The following ANKS1B variants were observed in gnomAD, a reference collection of about 807,000 sequenced individuals.
ANKS1B encodes the protein ankyrin repeat and sterile alpha motif domain containing 1B.
ANKS1B carries 36 observed loss-of-function variants against 148.3 expected under a neutral mutation model. That is an observed-to-expected ratio of 0.24 (90% CI 0.19 to 0.32). The LOEUF (loss-of-function observed/expected upper bound fraction) is 0.32. Among genes scored for constraint, ANKS1B ranks in the 10% least tolerant of loss-of-function variants. The probability of loss-of-function intolerance (pLI) is 1.00; values close to 1 mark genes in which losing one functional copy is unlikely to be tolerated. For missense variants in ANKS1B, 1,157 were observed against 1,542.6 expected (o/e 0.75, Z 4.19); for synonymous variants, 542 against 560.8 (o/e 0.97, Z 0.47).
At position 99,264,738 on chromosome 12, in the gene ANKS1B, T is replaced by C. The variant is rs919057413; in HGVS notation, c.1757-17874A>G. 3.9e-5 allele frequency among the ~76,000 whole-genome samples: 6 copies of C among 152,278 alleles called. No individual in the cohort carries two copies. The East Asian group carries it at 7.7e-4, about 20-fold the overall frequency. On this transcript the variant is annotated intron_variant, in intron 12 of 26. Coordinates refer to ENST00000683438, the MANE Select transcript of ANKS1B (RefSeq NM_001352186.2). ...AAAGGGTGGTCTTAGCTTGTCTCTT[T>C]TGGGGACCTGGGATGAGTTCTGTCA...
intron 12 of ANKS1B, among the ~76,000 whole-genome samples, chr12:99,312,122 C>A (rs527671711): frequency 6.6e-6 from 1 of 152,076 alleles, no homozygotes; most frequent in Admixed American, 6.5e-5. Flanking sequence ...CTAGGTTAAA[C>A]GAGTCATTTC....
At chr12:99,915,600 A>C (rs61193188) in intron 1 of ANKS1B, among the ~76,000 whole-genome samples, 6,322 of 152,266 alleles carry the variant, frequency 0.042, 421 homozygotes, top group African/African-American at 0.14. Context: ...ACGCCATTAA[A>C]GGTAGTAAGG....
chr12:99,523,954 C>G (rs769231106), intron 9 of ANKS1B, among the ~76,000 whole-genome samples: 4 of 152,154 alleles, frequency 2.6e-5, no homozygotes, highest in Non-Finnish European at 4.4e-5. Flanking sequence ...TGTATTAGTA[C>G]TATGGTACAA....
intron 14 of ANKS1B, among the ~76,000 whole-genome samples, chr12:99,170,671 A>G (rs994956052): frequency 6.6e-6 from 1 of 152,132 alleles, no homozygotes; most frequent in African/African-American, 2.4e-5. Context: ...ACAAAAATGC[A>G]TGGGGTGAGC....
chr12:99,424,816 G>A (rs189959623), intron 11 of ANKS1B, among the ~76,000 whole-genome samples: 1 of 151,976 alleles, frequency 6.6e-6, no homozygotes, highest in East Asian at 1.9e-4. Flanking sequence ...AGCTTAACAG[G>A]CAGACAAGAT....
chr12:98,783,771 C>T (rs572786672), intron 22 of ANKS1B, among the ~76,000 whole-genome samples: 15 of 152,262 alleles, frequency 9.9e-5, no homozygotes, highest in Admixed American at 7.8e-4. Context: ...TTGTGACTTA[C>T]TCTGCCAAGT....
chr12:99,346,361 T>C (rs1236431378), intron 12 of ANKS1B, among the ~76,000 whole-genome samples: 2 of 150,366 alleles, frequency 1.3e-5, no homozygotes, highest in East Asian at 1.9e-4. Context: ...ACATTCTCTC[T>C]CTCTTTCTCT....
intron 1 of ANKS1B, among the ~76,000 whole-genome samples, chr12:99,827,056 C>T (rs1714941128): frequency 6.6e-6 from 1 of 151,962 alleles, no homozygotes; most frequent in Non-Finnish European, 1.5e-5. Flanking sequence ...GAGGTCGAGG[C>T]TGCAGTGAAC....
In ANKS1B at chr12:99,446,648, T is replaced by C. The variant is rs528729545; in HGVS notation, c.1439-2839A>G. On this transcript the variant is annotated intron_variant, in intron 10 of 26. Coordinates refer to ENST00000683438, the MANE Select transcript of ANKS1B (RefSeq NM_001352186.2). Reference sequence around the variant, plus strand: ...ATGCAAAAGATATGCATAGGTATGATTGGGTTCATAGAAACATAGCCTGAA... The same window carrying C: ...ATGCAAAAGATATGCATAGGTATGACTGGGTTCATAGAAACATAGCCTGAA... 2.3e-4 allele frequency among the ~76,000 whole-genome samples: 35 copies of C among 152,138 alleles called. No individual in the cohort carries two copies. In the South Asian group the frequency reaches 2.7e-3, roughly 12 times the overall value.
At chr12:98,903,108 T>C (rs1021809194) in intron 17 of ANKS1B, among the ~76,000 whole-genome samples, 7 of 152,168 alleles carry the variant, frequency 4.6e-5, no homozygotes, top group Admixed American at 6.5e-5. Flanking sequence ...TTTTGAAATA[T>C]ATTAGAAGGA....
intron 9 of ANKS1B, among the ~76,000 whole-genome samples, chr12:99,559,360 C>T (rs1394077503): frequency 1.3e-5 from 2 of 152,186 alleles, no homozygotes. Context: ...TCTTTCTGCA[C>T]ATTAAATCAA....
intron 9 of ANKS1B, among the ~76,000 whole-genome samples, chr12:99,523,106 T>C (rs1373088754): frequency 6.6e-6 from 1 of 152,202 alleles, no homozygotes; most frequent in Non-Finnish European, 1.5e-5. Flanking sequence ...ATTTGCTTCC[T>C]AGCACAGCTC....
intron 9 of ANKS1B, among the ~76,000 whole-genome samples, chr12:99,510,579 GGA>G (rs1460254159): frequency 6.6e-6 from 1 of 151,998 alleles, no homozygotes; most frequent in African/African-American, 2.4e-5. Flanking sequence ...GAATGGATGA[GGA>G]GTTGCTTCTT....
chr12:99,983,697 G>A (rs1209627188), intron 1 of ANKS1B, among the ~76,000 whole-genome samples: 1 of 152,192 alleles, frequency 6.6e-6, no homozygotes, highest in South Asian at 2.1e-4. Flanking sequence ...GGCTTTTGCA[G>A]GGTAATTGCA....
At chr12:99,868,099 T>G (rs2090994117) in intron 1 of ANKS1B, among the ~76,000 whole-genome samples, 1 of 152,110 alleles carries the variant, frequency 6.6e-6, no homozygotes, top group African/African-American at 2.4e-5. Context: ...CAATTAATGA[T>G]TTTTAAAAAA....
chr12:99,369,431 G>A (rs1018367819), intron 12 of ANKS1B, among the ~76,000 whole-genome samples: 4 of 152,132 alleles, frequency 2.6e-5, no homozygotes, highest in Non-Finnish European at 5.9e-5. Flanking sequence ...TAGACTTAAA[G>A]AAACTTGAGT....
intron 11 of ANKS1B, among the ~76,000 whole-genome samples, chr12:99,408,093 A>C (rs1264222843): frequency 6.8e-6 from 1 of 146,238 alleles, no homozygotes; most frequent in Non-Finnish European, 1.5e-5. Context: ...GCCTGACTTC[A>C]AGTTATACTA....
chr12:98,784,647 A>C (rs2098772485), intron 22 of ANKS1B, among the ~76,000 whole-genome samples: 1 of 152,210 alleles, frequency 6.6e-6, no homozygotes, highest in African/African-American at 2.4e-5. Flanking sequence ...AGTTAAAGGA[A>C]GCAGAAAGCT....
chr12:99,344,989 A>C (rs974675247), intron 12 of ANKS1B: 4 of 152,086 alleles, frequency 2.6e-5, no homozygotes, highest in African/African-American at 9.7e-5. Flanking sequence ...AGAACAGATG[A>C]AACTATTTAT....
Sources: allele counts gnomAD v4.1 joint callset (sites outside exome capture counted in the v4.1 genomes callset), GRCh38; gene constraint gnomAD v4.1.1; transcripts MANE v1.5; gene names NCBI Gene and HGNC (gene_info 2026-07-23, HGNC 2026-07-21).